Variants in SQOR observed in about 807,000 individuals in gnomAD.
The protein encoded by SQOR is sulfide:quinone oxidoreductase, mitochondrial.
SQOR carries 39 observed loss-of-function variants against 48.6 expected under a neutral mutation model. That is an observed-to-expected ratio of 0.80 (90% CI 0.62 to 1.05). The LOEUF (loss-of-function observed/expected upper bound fraction) is 1.05. Among genes scored for constraint, SQOR ranks in the 50% least tolerant of loss-of-function variants. The pLI, the probability that SQOR is intolerant of heterozygous loss-of-function variation, is 0.00. For missense variants in SQOR, 561 were observed against 559.9 expected, an observed-to-expected ratio of 1.00 and a Z score of -0.02; for synonymous variants, 220 against 206.2, an observed-to-expected ratio of 1.07 and a Z score of -0.57.
intron 8 of SQOR, 86 bp from the exon 9 acceptor site, chr15:45,688,953 C>G (rs1595512706): frequency 9.0e-7 from 1 of 1,107,190 alleles, no homozygotes; most frequent in African/African-American, 1.6e-5. Flanking sequence ...TATATAAGCA[C>G]TCACAGCAAA....
At chr15:45,675,940 G>A (rs1890028109) in intron 5 of SQOR, among the ~76,000 whole-genome samples, 161 bp from the exon 6 acceptor site, 2 of 152,050 alleles carry the variant, frequency 1.3e-5, no homozygotes, top group African/African-American at 4.8e-5. Flanking sequence ...CAGAACATAA[G>A]GAGGAGGCAG....
chr15:45,634,090 T>C (rs1894949233), upstream of SQOR, among the ~76,000 whole-genome samples: 1 of 150,576 alleles, frequency 6.6e-6, no homozygotes, highest in Non-Finnish European at 1.5e-5. Context: ...ACACCAGAAT[T>C]GGTTGAACCC....
chr15:45,638,307 CTTAG>C lies in SQOR; in HGVS notation c.-18+3204_-18+3207del, dbSNP rs1218716411. On this transcript the variant is annotated intron_variant, in intron 1 of 9. Transcript: ENST00000260324. ...ATGTGACTGTATTAGGAGATAGTGC[CTTAG>C]TTAGAAGTGGTGGTGAGCACCTGTA... Among the ~76,000 whole-genome samples, 12 of 152,150 alleles carry C rather than the reference CTTAG, an allele frequency of 7.9e-5. No homozygotes were observed. The South Asian group carries it at 2.1e-3, about 26-fold the overall frequency.
At chr15:45,640,617 A>G (rs1895088936) in intron 1 of SQOR, among the ~76,000 whole-genome samples, 2 of 152,232 alleles carry the variant, frequency 1.3e-5, no homozygotes, top group African/African-American at 4.8e-5. Flanking sequence ...TCATTATGGT[A>G]AGACCTCACA....
intron 4 of SQOR, among the ~76,000 whole-genome samples, chr15:45,672,329 G>T (rs1204260155): frequency 1.3e-5 from 2 of 152,056 alleles, no homozygotes; most frequent in Admixed American, 1.3e-4. Context: ...TGTTAGCATT[G>T]ATGTGAAACT....
chr15:45,652,461 A>C (rs1244768279), intron 1 of SQOR, among the ~76,000 whole-genome samples: 3 of 152,036 alleles, frequency 2.0e-5, no homozygotes, highest in Non-Finnish European at 4.4e-5. Context: ...CAGCTTTCAC[A>C]GTAGCTGGGA....
intron 2 of SQOR, among the ~76,000 whole-genome samples, chr15:45,661,189 G>C (rs1295902235): frequency 6.7e-6 from 1 of 149,070 alleles, no homozygotes; most frequent in African/African-American, 2.5e-5. Flanking sequence ...GGCTGAGGCA[G>C]AAGAATCGCC....
chr15:45,662,612 A>G (rs1377647076), intron 3 of SQOR, among the ~76,000 whole-genome samples: 2 of 152,182 alleles, frequency 1.3e-5, no homozygotes, highest in Non-Finnish European at 2.9e-5. Flanking sequence ...GCCAGCGCTA[A>G]GGAGAATTGT....
chr15:45,654,982 C>T (rs1370623832), intron 1 of SQOR, among the ~76,000 whole-genome samples: 2 of 152,160 alleles, frequency 1.3e-5, no homozygotes, highest in African/African-American at 4.8e-5. Flanking sequence ...GTACACATGG[C>T]TGACAAAGCA....
intron 3 of SQOR, among the ~76,000 whole-genome samples, chr15:45,668,754 C>T (rs1466719478): frequency 6.6e-6 from 1 of 152,188 alleles, no homozygotes; most frequent in African/African-American, 2.4e-5. Context: ...GTAATCACCA[C>T]CTGTTTCTTC....
At chr15:45,651,561 C>G (rs554717522) in intron 1 of SQOR, among the ~76,000 whole-genome samples, 31 of 152,378 alleles carry the variant, frequency 2.0e-4, no homozygotes, top group African/African-American at 7.2e-4. Context: ...AGCACGCTGT[C>G]ACCTCTCACT....
intron 1 of SQOR, among the ~76,000 whole-genome samples, chr15:45,638,768 A>G (rs2140936254): frequency 6.6e-6 from 1 of 152,142 alleles, no homozygotes; most frequent in East Asian, 1.9e-4. Flanking sequence ...AAATTAAGTT[A>G]GGTCATTAAG....
intron 1 of SQOR, among the ~76,000 whole-genome samples, chr15:45,654,203 G>T (rs1889553435): frequency 6.6e-6 from 1 of 151,970 alleles, no homozygotes; most frequent in Non-Finnish European, 1.5e-5. Flanking sequence ...ATTGCATCAT[G>T]CTCCACCTTC....
chr15:45,650,034 G>A (rs1185369535), intron 1 of SQOR, among the ~76,000 whole-genome samples: 6 of 151,664 alleles, frequency 4.0e-5, no homozygotes, highest in African/African-American at 9.7e-5. Context: ...GTAGAGATGC[G>A]GTTTCACCAT....
At chr15:45,640,128 T>G (rs1473298909) in intron 1 of SQOR, among the ~76,000 whole-genome samples, 1 of 152,154 alleles carries the variant, frequency 6.6e-6, no homozygotes, top group Non-Finnish European at 1.5e-5. Context: ...AGAGGAATGG[T>G]TTCCATTCTA....
At position 45,659,041 on chromosome 15, in the gene SQOR, G is replaced by A. The variant is rs375963712; in HGVS notation, c.118G>A (p.Ala40Thr). The A allele has an allele frequency of 3.1e-6, 5 of 1,600,442 alleles. No individual in the cohort carries two copies. In the African/African-American group the frequency reaches 5.3e-5, roughly 17 times the overall value. Residue 40 changes from alanine to threonine, a missense_variant, in exon 2 of 10, where the codon GCC becomes ACC. Ala to Thr is a moderately conservative substitution (Grantham distance 58). Coordinates refer to ENST00000260324, the MANE Select transcript of SQOR (RefSeq NM_021199.4). ...LQLHTGASHA[A>T]RNHYEVLVLG... ...GCTGCACACCGGGGCCAGCCATGCG[G>A]CCAGGAACCATTATGAGGTGCTGGT...
chr15:45,684,190 G>A (rs1350530268), intron 7 of SQOR, among the ~76,000 whole-genome samples: 1 of 152,182 alleles, frequency 6.6e-6, no homozygotes, highest in Non-Finnish European at 1.5e-5. Context: ...TAGGATTACA[G>A]GCGTGAGCCA....
At chr15:45,641,089 A>C (rs1393833476) in intron 1 of SQOR, among the ~76,000 whole-genome samples, 1 of 152,208 alleles carries the variant, frequency 6.6e-6, no homozygotes, top group Non-Finnish European at 1.5e-5. Flanking sequence ...CATTTGAAAT[A>C]ATCCAATTGA....
At chr15:45,653,276 C>T (rs622441) in intron 1 of SQOR, among the ~76,000 whole-genome samples, 37,694 of 152,048 alleles carry the variant, frequency 0.25, 4,919 homozygotes, top group East Asian at 0.5. Flanking sequence ...TGCTGCTGGC[C>T]CCAAGGGGAC....
Sources: allele counts gnomAD v4.1 joint callset (sites outside exome capture counted in the v4.1 genomes callset), GRCh38; gene constraint gnomAD v4.1.1; transcripts MANE v1.5; gene names NCBI Gene and HGNC (gene_info 2026-07-23, HGNC 2026-07-21).